CRACD: variants seen among roughly 807,000 people sequenced by gnomAD.
The protein encoded by CRACD is capping protein-inhibiting regulator of actin dynamics.
Under a neutral mutation model 106.8 loss-of-function variants are expected in CRACD, and 56 were observed. The observed-to-expected ratio is 0.52, with a 90% confidence interval of 0.42 to 0.66. The LOEUF is 0.66. Ranked by LOEUF, CRACD falls within the 30% of genes least tolerant of loss-of-function variation. CRACD has a pLI of 0.00. For synonymous variants in CRACD, 754 were observed against 670.8 expected (o/e 1.12, Z -1.92); for missense variants, 1,730 against 1,623.2 (o/e 1.07, Z -1.13).
chr4:56,205,769 T>C (rs1308280134), intron 2 of CRACD, among the ~76,000 whole-genome samples: 1 of 152,220 alleles, frequency 6.6e-6, no homozygotes, highest in Non-Finnish European at 1.5e-5. Flanking sequence ...TGATCTACCA[T>C]GCCTAGCTGA....
intron 1 of CRACD, among the ~76,000 whole-genome samples, chr4:56,150,631 G>A (rs1396154279): frequency 6.6e-6 from 1 of 152,084 alleles, no homozygotes; most frequent in Non-Finnish European, 1.5e-5. Context: ...AAACAATATA[G>A]TTTTGAACTT....
chr4:56,148,609 T>C lies in CRACD; in HGVS notation c.-335-30675T>C, dbSNP rs528408157. Among the ~76,000 whole-genome samples the C allele has an allele frequency of 3.2e-4, 48 of 152,296 alleles. 1 individual carries two copies. Among genetic ancestry groups the C allele is most frequent in the Admixed American group, 2.2e-3 (33 of 15,296 alleles). ...TGCCTGGAGCTCATTGTGCTTTTGG[T>C]ATGTATTTCCCCAATGACTAATGAT... is the stretch of plus-strand genomic sequence containing the variant. On this transcript the variant is annotated intron_variant, in intron 1 of 10. Transcript: ENST00000682029.
intron 2 of CRACD, among the ~76,000 whole-genome samples, chr4:56,244,278 G>A (rs1057446862): frequency 6.6e-6 from 1 of 151,898 alleles, no homozygotes; most frequent in African/African-American, 2.4e-5. Context: ...TAATGAGGGG[G>A]CCTGGAAGGG....
intron 1 of CRACD, among the ~76,000 whole-genome samples, chr4:56,176,679 C>T (rs1189485359): frequency 6.6e-6 from 1 of 152,098 alleles, no homozygotes; most frequent in African/African-American, 2.4e-5. Flanking sequence ...TTGTGATCCA[C>T]CTGCCTTGGC....
intron 4 of CRACD, among the ~76,000 whole-genome samples, chr4:56,299,385 T>C (rs7666641): frequency 0.69 from 104,585 of 151,984 alleles, 37,284 homozygotes; most frequent in East Asian, 0.91. Flanking sequence ...AATTCTCTCA[T>C]CTGGCCAGGC....
chr4:56,228,142 C>T (rs768180001), intron 2 of CRACD, among the ~76,000 whole-genome samples: 14 of 152,138 alleles, frequency 9.2e-5, no homozygotes, highest in East Asian at 3.9e-4. Flanking sequence ...CCCCTAACCC[C>T]GGTCATTTCA....
intron 2 of CRACD, among the ~76,000 whole-genome samples, chr4:56,252,655 C>A (rs1413078351): frequency 6.6e-6 from 1 of 152,164 alleles, no homozygotes; most frequent in East Asian, 1.9e-4. Flanking sequence ...GTTTAGCATG[C>A]AGGATATAAA....
Position 56,191,506 on chromosome 4 carries a change from A to T in CRACD, c.-189+12076A>T, listed in dbSNP as rs73817397. Among the ~76,000 whole-genome samples, 1,017 of 151,744 alleles carry T rather than the reference A, an allele frequency of 6.7e-3. 20 individuals are homozygous for T. The highest frequency in any genetic ancestry group is 0.024 in the African/African-American group (975 of 41,342). ...ACATTTCTGCCTCCCTCTTATAAAG[A>T]CCCTTGTGAATATACTGGGCCCATC... On this transcript the variant is annotated intron_variant, in intron 2 of 10. Coordinates refer to ENST00000682029, the MANE Select transcript of CRACD (RefSeq NM_001393381.1).
rs887041362 is a variant in CRACD, at chr4:56,049,162, G to A, written c.-473G>A. ...GGCCACGGCCGACTGAGAGGCGGGT[G>A]CGCTGCTGGTGCTGCTGCCGCGGCG... On this transcript the variant is annotated 5_prime_UTR_variant, in exon 1 of 11. Transcript: ENST00000682029. 8 of 149,630 alleles carry A rather than the reference G, an allele frequency of 5.3e-5. No homozygotes were observed. Among genetic ancestry groups the A allele is most frequent in the African/African-American group, 1.9e-4 (8 of 41,204 alleles). The allele number at this position is 149,630 out of a possible 1,614,324, so 9.3% of individuals were successfully genotyped here. A position where few individuals can be genotyped will look rare whatever the true frequency, so the allele number is the denominator to read the frequency against.
chr4:56,283,980 C>T (rs1394391222), intron 3 of CRACD, among the ~76,000 whole-genome samples: 1 of 152,142 alleles, frequency 6.6e-6, no homozygotes, highest in African/African-American at 2.4e-5. Context: ...AGCCTCCTGA[C>T]TTGCCACCCG....
chr4:56,105,021 A>G (rs1192923188), intron 1 of CRACD, among the ~76,000 whole-genome samples: 2 of 151,886 alleles, frequency 1.3e-5, no homozygotes, highest in East Asian at 3.9e-4. Context: ...AAGTAAAACT[A>G]TTCTGCTATA....
Position 56,084,612 on chromosome 4 carries a change from G to A in CRACD, c.-336+35313G>A, listed in dbSNP as rs1020498879. On this transcript the variant is annotated intron_variant, in intron 1 of 10. Coordinates refer to ENST00000682029, the MANE Select transcript of CRACD (RefSeq NM_001393381.1). ...GCCAGCACCAAGACAGAACAAGGCC[G>A]TGGGCACTGAGCTATGTCTGATGAG... 3.9e-5 allele frequency among the ~76,000 whole-genome samples: 6 copies of A among 152,264 alleles called. No individual in the cohort carries two copies. The East Asian group carries it at 7.7e-4, about 20-fold the overall frequency.
chr4:56,135,011 C>A (rs1048501227), intron 1 of CRACD, among the ~76,000 whole-genome samples: 1 of 151,768 alleles, frequency 6.6e-6, no homozygotes, highest in Non-Finnish European at 1.5e-5. Context: ...GGGCCGGGCG[C>A]GGTGACTCAC....
chr4:56,132,384 A>G (rs1214847363), intron 1 of CRACD, among the ~76,000 whole-genome samples: 1 of 152,026 alleles, frequency 6.6e-6, no homozygotes, highest in East Asian at 1.9e-4. Context: ...TCTATTGCCC[A>G]GTCTGGAGTG....
At chr4:56,226,880 C>G (rs1191479653) in intron 2 of CRACD, among the ~76,000 whole-genome samples, 1 of 150,626 alleles carries the variant, frequency 6.6e-6, no homozygotes, top group Non-Finnish European at 1.5e-5. Flanking sequence ...CTCTCTGTCT[C>G]TCTCTCTCTC....
chr4:56,188,736 G>GAGAGAGAGA (rs746010336), intron 2 of CRACD, among the ~76,000 whole-genome samples: 91 of 122,740 alleles, frequency 7.4e-4, no homozygotes, highest in Admixed American at 3.3e-3. Context: ...AGAGAGAGAG[G>GAGAGAGAGA]GGTTAACATT....
At chr4:56,167,720 C>A in intron 1 of CRACD, among the ~76,000 whole-genome samples, 1 of 152,106 alleles carries the variant, frequency 6.6e-6, no homozygotes, top group East Asian at 1.9e-4. Context: ...TCTGAATAGA[C>A]TATTCACAAA....
At chr4:56,234,509 A>G (rs1739843097) in intron 2 of CRACD, among the ~76,000 whole-genome samples, 1 of 152,222 alleles carries the variant, frequency 6.6e-6, no homozygotes, top group Non-Finnish European at 1.5e-5. Flanking sequence ...GTTCCCACTT[A>G]TTAACAATGA....
At chr4:56,087,937 C>T (rs1733286200) in intron 1 of CRACD, among the ~76,000 whole-genome samples, 1 of 152,096 alleles carries the variant, frequency 6.6e-6, no homozygotes, top group Non-Finnish European at 1.5e-5. Context: ...TACCCCTCTC[C>T]ACTATCTCTT....
Sources: allele counts gnomAD v4.1 joint callset (sites outside exome capture counted in the v4.1 genomes callset), GRCh38; gene constraint gnomAD v4.1.1; transcripts MANE v1.5; gene names NCBI Gene and HGNC (gene_info 2026-07-23, HGNC 2026-07-21).